COLEC12: variants seen among roughly 807,000 people sequenced by gnomAD.
COLEC12 encodes collectin subfamily member 12.
Under a neutral mutation model 71.1 loss-of-function variants are expected in COLEC12, and 33 were observed. The ratio of observed to expected loss-of-function variants is 0.46; its 90% CI spans 0.35 to 0.62. The LOEUF (loss-of-function observed/expected upper bound fraction) is 0.62, where lower values mean the gene tolerates loss of function less well. Ranked by LOEUF, COLEC12 falls within the 20% of genes least tolerant of loss-of-function variation. The probability of loss-of-function intolerance (pLI) is 0.00; values close to 1 mark genes in which losing one functional copy is unlikely to be tolerated. For missense variants in COLEC12, 765 were observed against 916.1 expected, an observed-to-expected ratio of 0.84 and a Z score of 2.13; for synonymous variants, 350 against 353.0, an observed-to-expected ratio of 0.99 and a Z score of 0.10.
chr18:334,080 G>A (rs1332202179), intron 6 of COLEC12: 1 of 152,276 alleles, frequency 6.6e-6, no homozygotes, highest in East Asian at 1.9e-4. Flanking sequence ...AGCTACGCAG[G>A]AGTCTGAGTG....
chr18:472,125 C>A (rs2143755457), intron 2 of COLEC12, among the ~76,000 whole-genome samples: 1 of 152,300 alleles, frequency 6.6e-6, no homozygotes, highest in East Asian at 1.9e-4. Context: ...TACAGGCAGA[C>A]AATACAGTTA....
intron 2 of COLEC12, among the ~76,000 whole-genome samples, chr18:392,389 A>G (rs941391577): frequency 7.9e-5 from 12 of 152,214 alleles, no homozygotes; most frequent in African/African-American, 2.9e-4. Flanking sequence ...ATCAAGCCTT[A>G]GTTTTCCCAT....
At chr18:431,828 A>C (rs1916310232) in intron 2 of COLEC12, among the ~76,000 whole-genome samples, 2 of 152,200 alleles carry the variant, frequency 1.3e-5, no homozygotes, top group Non-Finnish European at 2.9e-5. Context: ...AGCAGTAGTA[A>C]TAATAAGTGT....
At chr18:433,292 C>T (rs1916340632) in intron 2 of COLEC12, among the ~76,000 whole-genome samples, 1 of 152,130 alleles carries the variant, frequency 6.6e-6, no homozygotes, top group African/African-American at 2.4e-5. Context: ...CACTTGCTAT[C>T]AATTTTGCTC....
rs1914070004 is a variant in COLEC12, at chr18:334,792, A to G, written c.1766T>C (p.Val589Ala). 1 of 1,497,380 alleles carries G rather than the reference A, an allele frequency of 6.7e-7. No individual in the cohort carries two copies. The highest frequency in any genetic ancestry group is 8.8e-7 in the Non-Finnish European group (1 of 1,130,082). The allele number at this position is 1,497,380 out of a possible 1,614,324, so 92.8% of individuals were successfully genotyped here. A position where few individuals can be genotyped will look rare whatever the true frequency, so the allele number is the denominator to read the frequency against. The part of the protein sequence containing the change: ...PPGPPGPSGA[V>A]VPLALQNEPT... ...CTCATTCTGCAGGGCCAGGGGCACC[A>G]CCGCTCCTGATGGGCCAGGAGGGCC... Residue 589 changes from valine (V) to alanine (A), a missense_variant, in exon 6 of 10, where the codon GTG (valine) becomes GCG (alanine). Coordinates refer to ENST00000400256, the MANE Select transcript of COLEC12 (RefSeq NM_130386.3).
At chr18:390,239 G>C (rs776833636) in intron 2 of COLEC12, among the ~76,000 whole-genome samples, 1 of 152,144 alleles carries the variant, frequency 6.6e-6, no homozygotes, top group Non-Finnish European at 1.5e-5. Context: ...GGAGGCCATC[G>C]TGCTGCCCAA....
At chr18:478,099 G>A (rs953437173) in intron 2 of COLEC12, among the ~76,000 whole-genome samples, 1 of 152,122 alleles carries the variant, frequency 6.6e-6, no homozygotes, top group African/African-American at 2.4e-5. Flanking sequence ...TGGGTGTCCA[G>A]TCCACTTTAG....
chr18:414,647 T>G (rs1159075746), intron 2 of COLEC12, among the ~76,000 whole-genome samples: 1 of 152,134 alleles, frequency 6.6e-6, no homozygotes, highest in Admixed American at 6.5e-5. Flanking sequence ...CGAACTCTTA[T>G]GCAAACACAG....
At chr18:455,278 CT>C (rs33915278) in intron 2 of COLEC12, among the ~76,000 whole-genome samples, 12,124 of 132,200 alleles carry the variant, frequency 0.092, 701 homozygotes, top group African/African-American at 0.23. Flanking sequence ...TTATTTTACG[CT>C]TTTTTTTTTT....
chr18:332,357 G>A (rs1458507506), intron 7 of COLEC12, among the ~76,000 whole-genome samples: 1 of 152,212 alleles, frequency 6.6e-6, no homozygotes, highest in Non-Finnish European at 1.5e-5. Context: ...TAGGGAGAAG[G>A]GAGGAGGCCA....
At chr18:330,299 T>G (rs774670845) in intron 8 of COLEC12, among the ~76,000 whole-genome samples, 3 of 152,156 alleles carry the variant, frequency 2.0e-5, no homozygotes, top group Non-Finnish European at 2.9e-5. Context: ...TAGGCCTCCA[T>G]GCCCATGAGA....
At chr18:345,752 T>C (rs370077563) in intron 5 of COLEC12, among the ~76,000 whole-genome samples, 1 of 152,246 alleles carries the variant, frequency 6.6e-6, no homozygotes, top group Non-Finnish European at 1.5e-5. Flanking sequence ...AAATAATTAA[T>C]GGAGTCCCTT....
At position 479,202 on chromosome 18, in the gene COLEC12, C is replaced by A. The variant is rs1365364039; in HGVS notation, c.58+1505G>T. On this transcript the variant is annotated intron_variant, in intron 2 of 9. Coordinates refer to ENST00000400256, the MANE Select transcript of COLEC12 (RefSeq NM_130386.3). ...ACTCCTACTGCTGCCTTCAGTGCGT[C>A]CCCCCCGGGAAAGAACACAGGACCA... Among the ~76,000 whole-genome samples, 10 of 147,726 alleles carry A rather than the reference C, an allele frequency of 6.8e-5. No individual in the cohort carries two copies. The East Asian group carries it at 1.9e-3, about 29-fold the overall frequency.
intron 2 of COLEC12, among the ~76,000 whole-genome samples, chr18:369,257 T>C (rs897744429): frequency 2.0e-5 from 3 of 152,182 alleles, no homozygotes; most frequent in African/African-American, 7.2e-5. Context: ...AACTGATCCA[T>C]TGCATTTAAA....
intron 2 of COLEC12, among the ~76,000 whole-genome samples, chr18:384,974 A>C (rs1295323749): frequency 6.6e-6 from 1 of 152,238 alleles, no homozygotes; most frequent in African/African-American, 2.4e-5. Flanking sequence ...AATAAAACGC[A>C]ATCACAGTAA....
chr18:423,537 A>G (rs1049324224), intron 2 of COLEC12, among the ~76,000 whole-genome samples: 6 of 152,148 alleles, frequency 3.9e-5, no homozygotes, highest in Non-Finnish European at 8.8e-5. Flanking sequence ...TAGTTGTTCA[A>G]ATACTAGCCT....
chr18:497,821 G>C (rs1000958422), intron 1 of COLEC12, among the ~76,000 whole-genome samples: 9 of 152,320 alleles, frequency 5.9e-5, no homozygotes, highest in African/African-American at 2.2e-4. Context: ...AGGAACCCGG[G>C]GAAAATCTTT....
At chr18:464,071 G>A (rs901887421) in intron 2 of COLEC12, among the ~76,000 whole-genome samples, 1 of 152,058 alleles carries the variant, frequency 6.6e-6, no homozygotes, top group Non-Finnish European at 1.5e-5. Flanking sequence ...CTGCCTGTCC[G>A]CGTGTGCTCA....
intron 8 of COLEC12, among the ~76,000 whole-genome samples, chr18:326,183 T>C (rs1487155644): frequency 6.6e-6 from 1 of 152,264 alleles, no homozygotes; most frequent in Non-Finnish European, 1.5e-5. Context: ...TGTTTTCATC[T>C]TCTTTGAAAC....
Sources: gnomAD v4.1 joint callset for allele counts (sites outside exome capture counted in the v4.1 genomes callset) on GRCh38, gnomAD v4.1.1 for gene constraint, MANE v1.5 for transcripts, NCBI Gene and HGNC (gene_info 2026-07-23, HGNC 2026-07-21) for gene names.